The following RBMS1 variants were observed in gnomAD, a reference collection of about 807,000 sequenced individuals.
The protein encoded by RBMS1 is RNA-binding motif, single-stranded-interacting protein 1.
Under a neutral mutation model 62.3 loss-of-function variants are expected in RBMS1, and 17 were observed. That is an observed-to-expected ratio of 0.27 (90% CI 0.19 to 0.41). The LOEUF (loss-of-function observed/expected upper bound fraction) is 0.41. Ranked by LOEUF, RBMS1 falls within the 10% of genes least tolerant of loss-of-function variation. RBMS1 has a pLI of 1.00. For missense variants in RBMS1, 334 were observed against 504.5 expected (o/e 0.66, Z 3.24); for synonymous variants, 172 against 170.0 (o/e 1.01, Z -0.09).
At chr2:160,323,623 A>AC (rs1452063185) in intron 2 of RBMS1, among the ~76,000 whole-genome samples, 2 of 151,144 alleles carry the variant, frequency 1.3e-5, no homozygotes, top group African/African-American at 2.4e-5. Flanking sequence ...AAAAAAAAAA[A>AC]AAAAAAAACT....
chr2:160,309,389 G>A (rs532963376), intron 4 of RBMS1, among the ~76,000 whole-genome samples: 1 of 152,276 alleles, frequency 6.6e-6, no homozygotes, highest in East Asian at 1.9e-4. Flanking sequence ...AAGGCTGAAA[G>A]GCTGACAAGT....
intron 1 of RBMS1, among the ~76,000 whole-genome samples, chr2:160,400,354 A>G (rs1017756151): frequency 6.6e-6 from 1 of 152,036 alleles, no homozygotes; most frequent in African/African-American, 2.4e-5. Context: ...TGAAAAATAC[A>G]AACATATATA....
intron 1 of RBMS1, among the ~76,000 whole-genome samples, chr2:160,449,758 C>A (rs1683881515): frequency 6.6e-6 from 1 of 152,110 alleles, no homozygotes; most frequent in African/African-American, 2.4e-5. Flanking sequence ...GCTGACCTCC[C>A]CTCCACTATT....
chr2:160,320,143 G>C (rs1690473964), intron 2 of RBMS1, among the ~76,000 whole-genome samples: 1 of 152,200 alleles, frequency 6.6e-6, no homozygotes, highest in Non-Finnish European at 1.5e-5. Context: ...CCTATCGTTT[G>C]AATATTTCAC....
intron 1 of RBMS1, among the ~76,000 whole-genome samples, chr2:160,411,276 G>T (rs1696022931): frequency 6.6e-6 from 1 of 152,100 alleles, no homozygotes; most frequent in Non-Finnish European, 1.5e-5. Context: ...GTTACTAAGG[G>T]GCCAGCAACT....
At chr2:160,464,762 A>G (rs1182846878) in intron 1 of RBMS1, among the ~76,000 whole-genome samples, 1 of 152,212 alleles carries the variant, frequency 6.6e-6, no homozygotes, top group African/African-American at 2.4e-5. Flanking sequence ...ACAAATATCT[A>G]TTGAACATGT....
In RBMS1 at chr2:160,465,377, T is replaced by C. The variant is rs569329161; in HGVS notation, c.75+27912A>G. On this transcript the variant is annotated intron_variant, in intron 1 of 13. Coordinates refer to ENST00000348849, the MANE Select transcript of RBMS1 (RefSeq NM_016836.4). ...AAAATCAAACAGTACTCGATATTGT[T>C]GGCTAACTCTAACATTGCTCCTGCC... 2.0e-4 allele frequency among the ~76,000 whole-genome samples: 30 copies of C among 152,350 alleles called. No homozygotes were observed. The South Asian group carries it at 6.2e-3, about 32-fold the overall frequency.
chr2:160,324,907 T>TATATAC (rs1321182985), intron 2 of RBMS1, among the ~76,000 whole-genome samples: 261 of 106,740 alleles, frequency 2.4e-3, no homozygotes, highest in African/African-American at 3.2e-3. Context: ...TATATATATA[T>TATATAC]ACACACACAC....
At chr2:160,474,867 T>C (rs1685060881) in intron 1 of RBMS1, among the ~76,000 whole-genome samples, 1 of 152,244 alleles carries the variant, frequency 6.6e-6, no homozygotes. Context: ...CTCAATGTCC[T>C]GCAAAGTATT....
At chr2:160,461,048 C>A (rs952718759) in intron 1 of RBMS1, among the ~76,000 whole-genome samples, 1 of 152,150 alleles carries the variant, frequency 6.6e-6, no homozygotes. Context: ...CACTTAAAGC[C>A]GGTAGTTTGA....
chr2:160,377,621 A>G (rs1399424098), intron 1 of RBMS1, among the ~76,000 whole-genome samples: 1 of 152,240 alleles, frequency 6.6e-6, no homozygotes, highest in African/African-American at 2.4e-5. Flanking sequence ...TCTGCTCAGA[A>G]TAACAAAATG....
chr2:160,320,646 T>C (rs903847942), intron 2 of RBMS1, among the ~76,000 whole-genome samples: 3 of 152,094 alleles, frequency 2.0e-5, no homozygotes, highest in African/African-American at 7.2e-5. Context: ...CTCCTCTGTT[T>C]TCTTTCTCTA....
At chr2:160,332,484 T>C (rs569602456) in intron 2 of RBMS1, among the ~76,000 whole-genome samples, 1 of 152,112 alleles carries the variant, frequency 6.6e-6, no homozygotes, top group Non-Finnish European at 1.5e-5. Flanking sequence ...TTTCTCCTCA[T>C]TCTCTCTGGG....
chr2:160,353,417 T>C (rs1346102766), intron 2 of RBMS1, among the ~76,000 whole-genome samples: 1 of 152,088 alleles, frequency 6.6e-6, no homozygotes, highest in Non-Finnish European at 1.5e-5. Flanking sequence ...TATAACATAA[T>C]ACAAATATTA....
chr2:160,326,054 C>A (rs1028980215), intron 2 of RBMS1, among the ~76,000 whole-genome samples: 2 of 152,068 alleles, frequency 1.3e-5, no homozygotes, highest in African/African-American at 2.4e-5. Flanking sequence ...ATAAAAGATT[C>A]CTGGTGTATG....
At chr2:160,371,938 T>C (rs533435080) in intron 1 of RBMS1, among the ~76,000 whole-genome samples, 3 of 152,300 alleles carry the variant, frequency 2.0e-5, no homozygotes, top group East Asian at 3.9e-4. Flanking sequence ...CATCACCCCC[T>C]ATAGAGAAGA....
intron 1 of RBMS1, among the ~76,000 whole-genome samples, chr2:160,399,611 A>G (rs758832382): frequency 9.2e-5 from 14 of 152,174 alleles, no homozygotes; most frequent in Non-Finnish European, 1.9e-4. Context: ...TTCAGTTTAA[A>G]CAAAAGAACT....
chr2:160,369,499 C>A (rs1693604663), intron 1 of RBMS1, among the ~76,000 whole-genome samples: 1 of 152,194 alleles, frequency 6.6e-6, no homozygotes, highest in African/African-American at 2.4e-5. Flanking sequence ...TTGATTGACG[C>A]AGAGAACTTG....
In RBMS1 at chr2:160,307,722, A is replaced by T. The variant is rs1202354300; in HGVS notation, c.403-4235T>A. 5.3e-5 allele frequency among the ~76,000 whole-genome samples: 8 copies of T among 152,238 alleles called. No homozygotes were observed. In the East Asian group the frequency reaches 1.5e-3, roughly 29 times the overall value. On this transcript the variant is annotated intron_variant, in intron 4 of 13. Coordinates refer to ENST00000348849, the MANE Select transcript of RBMS1 (RefSeq NM_016836.4). ...ATTCTCAATATCTGCCCAAGCTTGG[A>T]AAAAAGTTATTTTCTCAATTATTTT...
Sources: gnomAD v4.1 joint callset for allele counts (sites outside exome capture counted in the v4.1 genomes callset) on GRCh38, gnomAD v4.1.1 for gene constraint, MANE v1.5 for transcripts, NCBI Gene and HGNC (gene_info 2026-07-23, HGNC 2026-07-21) for gene names.